The following TLL2 variants were observed in gnomAD, a reference collection of about 807,000 sequenced individuals.
TLL2 encodes tolloid-like protein 2.
In TLL2, 106 loss-of-function variants were observed where a neutral mutation model predicts 123.0. The observed-to-expected ratio is 0.86, with a 90% CI of 0.74 to 1.01. The LOEUF (loss-of-function observed/expected upper bound fraction) is 1.01. Ranked by LOEUF, TLL2 falls within the 50% of genes least tolerant of loss-of-function variation. TLL2 has a pLI of 0.00. For missense variants in TLL2, 1,332 were observed against 1,336.7 expected (o/e 1.00, Z 0.06); for synonymous variants, 494 against 516.8 (o/e 0.96, Z 0.60).
At chr10:96,485,667 T>C (rs1434539403) in intron 1 of TLL2, among the ~76,000 whole-genome samples, 1 of 152,192 alleles carries the variant, frequency 6.6e-6, no homozygotes, top group Non-Finnish European at 1.5e-5. Context: ...AATAACTGTC[T>C]CTCAATTTAA....
intron 2 of TLL2, among the ~76,000 whole-genome samples, chr10:96,458,364 ATCAC>A (rs1464403429): frequency 6.6e-6 from 1 of 152,052 alleles, no homozygotes; most frequent in Non-Finnish European, 1.5e-5. Context: ...AGGCAGGCAG[ATCAC>A]CTGAGGTCAC....
At chr10:96,416,938 C>T (rs762771372) in intron 7 of TLL2, among the ~76,000 whole-genome samples, 7 of 152,210 alleles carry the variant, frequency 4.6e-5, no homozygotes, top group Admixed American at 1.3e-4. Context: ...AGAGAACTGT[C>T]TCCTCATCTC....
At chr10:96,506,267 A>AAAAAAG (rs1847578262) in intron 1 of TLL2, among the ~76,000 whole-genome samples, 4 of 73,740 alleles carry the variant, frequency 5.4e-5, no homozygotes, top group African/African-American at 2.0e-4. Flanking sequence ...AAAAAAAAAG[A>AAAAAAG]AAAAAAAAAA....
At chr10:96,378,061 C>T (rs1247668755) in intron 17 of TLL2, among the ~76,000 whole-genome samples, 4 of 152,386 alleles carry the variant, frequency 2.6e-5, no homozygotes, top group Admixed American at 2.0e-4. Context: ...CCAGCCCCTC[C>T]GCCACCTGTG....
intron 1 of TLL2, among the ~76,000 whole-genome samples, chr10:96,491,352 A>G (rs1008556103): frequency 4.7e-5 from 7 of 149,958 alleles, no homozygotes; most frequent in Non-Finnish European, 8.9e-5. Flanking sequence ...ATTGCACTCT[A>G]GCCTGAGCAA....
At chr10:96,505,344 C>T (rs942916494) in intron 1 of TLL2, among the ~76,000 whole-genome samples, 9 of 152,230 alleles carry the variant, frequency 5.9e-5, no homozygotes, top group Non-Finnish European at 1.2e-4. Flanking sequence ...GTGGGGATTA[C>T]AATTCCAGAT....
At position 96,421,234 on chromosome 10, in the gene TLL2, C is replaced by A. The variant is rs147758354; in HGVS notation, c.818-173G>T. On this transcript the variant is annotated intron_variant, in intron 6 of 20. Coordinates refer to ENST00000357947, the MANE Select transcript of TLL2 (RefSeq NM_012465.4). ...GTTTTTAATAATTAGAAATTTGAAA[C>A]CTCCAGCAAGCCCTGTGTTCTCCCA... Among the ~76,000 whole-genome samples the A allele has an allele frequency of 3.3e-5, 5 of 152,232 alleles. No individual in the cohort carries two copies. In the East Asian group the frequency reaches 5.8e-4, roughly 18 times the overall value.
At chr10:96,472,476 G>A (rs1455745075) in intron 2 of TLL2, among the ~76,000 whole-genome samples, 2 of 152,150 alleles carry the variant, frequency 1.3e-5, no homozygotes, top group East Asian at 3.9e-4. Flanking sequence ...GAGCCTCAAA[G>A]TTGGGCTGAG....
chr10:96,373,936 G>A, intron 18 of TLL2, 127 bp from the exon 19 acceptor site: 1 of 764,606 alleles, frequency 1.3e-6, no homozygotes, highest in Non-Finnish European at 2.1e-6. Context: ...CTGTGCAGGG[G>A]GTGTGTGGCC....
chr10:96,466,685 C>T (rs1564912872), intron 2 of TLL2, among the ~76,000 whole-genome samples: 1 of 152,194 alleles, frequency 6.6e-6, no homozygotes. Context: ...TCTGGGAGCC[C>T]ACTAGTGGGT....
At chr10:96,459,446 A>G in intron 2 of TLL2, among the ~76,000 whole-genome samples, 1 of 151,656 alleles carries the variant, frequency 6.6e-6, no homozygotes, top group Non-Finnish European at 1.5e-5. Context: ...TGGGAGGTTG[A>G]GGCAGGCAGA....
chr10:96,433,297 A>G (rs1846763507), intron 3 of TLL2, among the ~76,000 whole-genome samples: 2 of 152,170 alleles, frequency 1.3e-5, no homozygotes, highest in Non-Finnish European at 2.9e-5. Flanking sequence ...CAGAGTCACA[A>G]GCATTTGGGG....
In TLL2 at chr10:96,428,725, G is replaced by A. The variant is rs751446278; in HGVS notation, c.544C>T (p.Gln182Ter). Residue 182 changes from glutamine (Q) to a stop codon, truncating the protein, a stop_gained, in exon 5 of 21, where the codon CAG (glutamine) becomes TAG (stop). Transcript: ENST00000357947. LOFTEE classifies it high-confidence loss of function. ...FTGSQRAIFKQAMRHWEKHTC... is the reference protein window; with the variant it reads ...FTGSQRAIFK The stretch of plus-strand genomic sequence containing the variant: ...TGCTTCTCCCAGTGTCTCATGGCCT[G>A]CTTAAAAATGGCCCTCTGGCTCCCT... 27 of 1,612,932 alleles carry A rather than the reference G, an allele frequency of 1.7e-5. No individual in the cohort carries two copies. Among genetic ancestry groups the A allele is most frequent in the African/African-American group, 2.7e-5 (2 of 74,834 alleles).
chr10:96,399,328 C>T (rs1021913677), intron 10 of TLL2, among the ~76,000 whole-genome samples: 1 of 152,172 alleles, frequency 6.6e-6, no homozygotes, highest in African/African-American at 2.4e-5. Flanking sequence ...GGTACTCTTA[C>T]TGCCAGTGCT....
At chr10:96,392,359 A>T (rs3789946) in intron 13 of TLL2, among the ~76,000 whole-genome samples, 94,949 of 151,870 alleles carry the variant, frequency 0.63, 29,930 homozygotes, top group East Asian at 0.78. Context: ...AAACCATCAA[A>T]CACTTCTCAG....
At chr10:96,370,424 G>C (rs1311843518) in intron 19 of TLL2, 109 bp from the exon 20 acceptor site, 13 of 1,396,088 alleles carry the variant, frequency 9.3e-6, no homozygotes, top group Non-Finnish European at 1.1e-5. Flanking sequence ...TGGCAGGAGA[G>C]GCCAGGTAGT....
At chr10:96,457,813 G>A (rs1314833087) in intron 2 of TLL2, among the ~76,000 whole-genome samples, 1 of 152,184 alleles carries the variant, frequency 6.6e-6, no homozygotes, top group Non-Finnish European at 1.5e-5. Flanking sequence ...GATGCTGAAG[G>A]CCAAAAATTG....
chr10:96,454,547 G>T (rs775400220), intron 2 of TLL2, among the ~76,000 whole-genome samples: 1 of 152,172 alleles, frequency 6.6e-6, no homozygotes, highest in Non-Finnish European at 1.5e-5. Flanking sequence ...TACCTCTGTT[G>T]TTCACCTGGC....
rs140694646 is a variant in TLL2, at chr10:96,436,723, T to C, written c.365-3761A>G. 6.1e-4 allele frequency among the ~76,000 whole-genome samples: 93 copies of C among 152,156 alleles called. 2 individuals are homozygous for C. The East Asian group carries it at 0.017, about 28-fold the overall frequency. Reference sequence around the variant, plus strand: ...TTTTCTGAGTCAGGGTCTGGCTCTGTCACCCAGGCTGGAGTGCAGTGGCAT... The same window carrying C: ...TTTTCTGAGTCAGGGTCTGGCTCTGCCACCCAGGCTGGAGTGCAGTGGCAT... On this transcript the variant is annotated intron_variant, in intron 3 of 20. Coordinates refer to ENST00000357947, the MANE Select transcript of TLL2 (RefSeq NM_012465.4).
Sources: allele counts gnomAD v4.1 joint callset (sites outside exome capture counted in the v4.1 genomes callset), GRCh38; gene constraint gnomAD v4.1.1; transcripts MANE v1.5; gene names NCBI Gene and HGNC (gene_info 2026-07-23, HGNC 2026-07-21).